Variants in EPHA6 observed in about 807,000 individuals in gnomAD.
EPHA6 encodes the protein EPH receptor A6.
EPHA6 carries 50 observed loss-of-function variants against 112.0 expected under a neutral mutation model. The observed-to-expected ratio is 0.45, with a 90% confidence interval of 0.36 to 0.56. The LOEUF (loss-of-function observed/expected upper bound fraction) is 0.56. Ranked by LOEUF, EPHA6 falls within the 20% of genes least tolerant of loss-of-function variation. The probability of loss-of-function intolerance (pLI) is 0.00; values close to 1 mark genes in which losing one functional copy is unlikely to be tolerated. For synonymous variants in EPHA6, 529 were observed against 490.7 expected (o/e 1.08, Z -1.03); for missense variants, 1,280 against 1,417.4 (o/e 0.90, Z 1.56).
At chr3:96,882,701 T>A (rs1279384084) in intron 2 of EPHA6, among the ~76,000 whole-genome samples, 1 of 151,818 alleles carries the variant, frequency 6.6e-6, no homozygotes, top group Non-Finnish European at 1.5e-5. Context: ...TCATTCCTTT[T>A]TAAGGATTCG....
intron 4 of EPHA6, among the ~76,000 whole-genome samples, chr3:97,228,135 C>A (rs1375358919): frequency 1.3e-5 from 2 of 151,968 alleles, no homozygotes; most frequent in Admixed American, 6.6e-5. Context: ...GGGGTCTGTT[C>A]AATAGGTTGT....
chr3:96,815,497 C>G (rs1441087635), intron 1 of EPHA6, among the ~76,000 whole-genome samples: 1 of 152,104 alleles, frequency 6.6e-6, no homozygotes, highest in Non-Finnish European at 1.5e-5. Flanking sequence ...AGCCTCAGTC[C>G]CCATGCTTCA....
chr3:97,090,934 TAA>T (rs993686940), intron 3 of EPHA6, among the ~76,000 whole-genome samples: 24 of 152,220 alleles, frequency 1.6e-4, no homozygotes, highest in African/African-American at 5.8e-4. Flanking sequence ...TTGCAGTGAA[TAA>T]AAGAGTTAGA....
chr3:97,711,976 T>C (rs1456194433), intron 14 of EPHA6, among the ~76,000 whole-genome samples: 3 of 152,162 alleles, frequency 2.0e-5, no homozygotes, highest in African/African-American at 7.2e-5. Context: ...ACACATCAAA[T>C]TGATACCACT....
chr3:97,747,444 A>T lies in EPHA6; in HGVS notation c.3150A>T (p.Glu1050Asp). 2 of 1,575,468 alleles carry T rather than the reference A, an allele frequency of 1.3e-6. No individual in the cohort carries two copies. Among genetic ancestry groups the T allele is most frequent in the Non-Finnish European group, 8.6e-7 (1 of 1,159,998 alleles). The change falls in exon 17 of 18, where the codon GAA becomes GAT. Residue 1050 changes from glutamate to aspartate, a missense_variant. By Grantham distance (45) the Glu-to-Asp change is conservative (BLOSUM62 2). Coordinates refer to ENST00000389672, the MANE Select transcript of EPHA6 (RefSeq NM_001080448.3). The stretch of plus-strand genomic sequence containing the variant: ...ACAGAATGCCAGAGTCCCCTGGTGA[A>T]GTTCCGGAATATCCTTTGTTTGTCA... Reference protein sequence around the residue: ...DILVMPESPGEVPEYPLFVTV... With the variant: ...DILVMPESPGDVPEYPLFVTV...
At chr3:96,898,952 C>T (rs187619159) in intron 2 of EPHA6, among the ~76,000 whole-genome samples, 4,626 of 150,758 alleles carry the variant, frequency 0.031, 104 homozygotes, top group Middle Eastern at 0.068. Flanking sequence ...GGCGTGAACC[C>T]GGGAGGCGGA....
At chr3:97,102,550 G>A (rs2047435086) in intron 3 of EPHA6, among the ~76,000 whole-genome samples, 6 of 152,066 alleles carry the variant, frequency 3.9e-5, no homozygotes, top group Admixed American at 3.9e-4. Context: ...AAACTTCTGT[G>A]CTTTTGCTAT....
chr3:97,521,975 G>A (rs1011129822), intron 10 of EPHA6, among the ~76,000 whole-genome samples: 66 of 151,034 alleles, frequency 4.4e-4, no homozygotes, highest in Non-Finnish European at 8.4e-4. Flanking sequence ...CTGGTCTGGA[G>A]TGCAGTGACA....
intron 14 of EPHA6, among the ~76,000 whole-genome samples, chr3:97,643,680 C>G (rs1470123813): frequency 1.3e-5 from 2 of 151,996 alleles, no homozygotes; most frequent in African/African-American, 4.8e-5. Flanking sequence ...CAACAAAGAT[C>G]AAAAGAGACA....
At chr3:97,330,885 A>T (rs2082763291) in intron 5 of EPHA6, among the ~76,000 whole-genome samples, 1 of 152,178 alleles carries the variant, frequency 6.6e-6, no homozygotes, top group Non-Finnish European at 1.5e-5. Context: ...TCAGCTCTGC[A>T]CCAAGTGGAC....
At position 97,483,990 on chromosome 3, in the gene EPHA6, C is replaced by G; in HGVS notation, c.2131C>G (p.Leu711Val). ...TCCAGATACATATGAAGACCCATCCCTAGCAGTCCATGAATTTGCAAAGGA... is the reference window on the plus strand; with the variant it reads ...TCCAGATACATATGAAGACCCATCCGTAGCAGTCCATGAATTTGCAAAGGA... ...IDPDTYEDPS[L>V]AVHEFAKEID... Residue 711 changes from leucine to valine, a missense_variant, in exon 10 of 18, where the codon CTA becomes GTA. This residue lies in a region of EPHA6 where 878 missense variants were observed against 999.7 expected (regional missense o/e 0.88). Transcript: ENST00000389672. The G allele has an allele frequency of 1.2e-6, 2 of 1,610,936 alleles. No homozygotes were observed. Among genetic ancestry groups the G allele is most frequent in the Non-Finnish European group, 1.7e-6 (2 of 1,178,476 alleles).
intron 5 of EPHA6, among the ~76,000 whole-genome samples, chr3:97,357,425 C>T (rs566908551): frequency 6.6e-6 from 1 of 152,144 alleles, no homozygotes; most frequent in African/African-American, 2.4e-5. Context: ...TTGTCTTGAA[C>T]CCCTGACCTC....
chr3:96,869,709 C>T (rs1314800004), intron 2 of EPHA6, among the ~76,000 whole-genome samples: 1 of 151,972 alleles, frequency 6.6e-6, no homozygotes, highest in Non-Finnish European at 1.5e-5. Flanking sequence ...TGGATGAGAT[C>T]TTTGTTACAT....
At chr3:97,509,542 T>C (rs1181350391) in intron 10 of EPHA6, among the ~76,000 whole-genome samples, 1 of 152,202 alleles carries the variant, frequency 6.6e-6, no homozygotes, top group African/African-American at 2.4e-5. Context: ...GTAGGGTTTC[T>C]GCAGAGAGAT....
chr3:97,673,858 T>G (rs301961), intron 14 of EPHA6, among the ~76,000 whole-genome samples: 13,260 of 152,300 alleles, frequency 0.087, 757 homozygotes, highest in Non-Finnish European at 0.13. Flanking sequence ...AAACTGCCTC[T>G]TGCTTTCGCA....
At chr3:97,486,473 T>A (rs1281786719) in intron 10 of EPHA6, among the ~76,000 whole-genome samples, 2 of 151,876 alleles carry the variant, frequency 1.3e-5, no homozygotes, top group East Asian at 3.9e-4. Flanking sequence ...ATGAACAGAG[T>A]TTTTAGGCTC....
At chr3:97,521,575 A>T (rs2092543510) in intron 10 of EPHA6, among the ~76,000 whole-genome samples, 1 of 152,194 alleles carries the variant, frequency 6.6e-6, no homozygotes, top group Admixed American at 6.5e-5. Context: ...CTTACTGTCT[A>T]TCATGAGAAC....
intron 3 of EPHA6, among the ~76,000 whole-genome samples, chr3:97,127,239 C>T (rs1174926346): frequency 1.3e-5 from 2 of 152,130 alleles, no homozygotes; most frequent in South Asian, 4.1e-4. Context: ...TGGTAATAAA[C>T]TGGGAGGGAA....
chr3:97,630,529 CTT>C (rs1426114855), intron 13 of EPHA6, among the ~76,000 whole-genome samples: 2 of 151,964 alleles, frequency 1.3e-5, no homozygotes, highest in African/African-American at 2.4e-5. Context: ...TAACTTTAAA[CTT>C]AAGTTATAGA....
Sources: gnomAD v4.1 joint callset for allele counts (sites outside exome capture counted in the v4.1 genomes callset) on GRCh38, gnomAD v4.1.1 for gene constraint, gnomAD v4.1.1 regional missense constraint, MANE v1.5 for transcripts, NCBI Gene and HGNC (gene_info 2026-07-23, HGNC 2026-07-21) for gene names.